FNDC3A: variants seen among roughly 807,000 people sequenced by gnomAD.
FNDC3A encodes fibronectin type III domain containing 3A.
FNDC3A carries 32 observed loss-of-function variants against 148.9 expected under a neutral mutation model. The ratio of observed to expected loss-of-function variants is 0.21; its 90% confidence interval spans 0.16 to 0.29. The LOEUF (loss-of-function observed/expected upper bound fraction) is 0.29. FNDC3A is among the 10% of genes least tolerant of loss of function. The probability of loss-of-function intolerance (pLI) is 1.00; values close to 1 mark genes in which losing one functional copy is unlikely to be tolerated. For missense variants in FNDC3A, 1,191 were observed against 1,452.8 expected (o/e 0.82, Z 2.93); for synonymous variants, 472 against 473.6 (o/e 1.00, Z 0.04).
At chr13:49,063,938 T>C (rs1412228343) in intron 2 of FNDC3A, among the ~76,000 whole-genome samples, 5 of 152,198 alleles carry the variant, frequency 3.3e-5, no homozygotes, top group African/African-American at 1.2e-4. Flanking sequence ...AAAGTATCTG[T>C]GTTACATGTT....
At chr13:49,148,477 C>T (rs1451730600) in intron 8 of FNDC3A, among the ~76,000 whole-genome samples, 1 of 152,050 alleles carries the variant, frequency 6.6e-6, no homozygotes. Flanking sequence ...GTATCCTTTC[C>T]CCAGTGTATG....
At chr13:49,188,053 T>G (rs911689016) in intron 16 of FNDC3A, among the ~76,000 whole-genome samples, 1 of 152,238 alleles carries the variant, frequency 6.6e-6, no homozygotes, top group Non-Finnish European at 1.5e-5. Context: ...GTTTTAGTAG[T>G]AAGTTTTATG....
At chr13:48,986,064 G>C (rs551354139) in intron 1 of FNDC3A, among the ~76,000 whole-genome samples, 1 of 152,288 alleles carries the variant, frequency 6.6e-6, no homozygotes, top group Admixed American at 6.5e-5. Flanking sequence ...AGCAATTTCT[G>C]TATAGTGTTG....
chr13:49,100,990 T>C (rs1879823395), intron 3 of FNDC3A, among the ~76,000 whole-genome samples: 1 of 152,108 alleles, frequency 6.6e-6, no homozygotes, highest in Admixed American at 6.6e-5. Context: ...GGGAAAATTA[T>C]AGAGAAAGAA....
At chr13:48,989,697 A>G (rs7990472) in intron 1 of FNDC3A, among the ~76,000 whole-genome samples, 21,591 of 152,220 alleles carry the variant, frequency 0.14, 2,093 homozygotes, top group Non-Finnish European at 0.2. Flanking sequence ...CAATAAGCAT[A>G]AGAAAGATGA....
chr13:49,122,947 C>T (rs139953887), intron 4 of FNDC3A, among the ~76,000 whole-genome samples: 3,013 of 152,244 alleles, frequency 0.02, 42 homozygotes, highest in Middle Eastern at 0.051. Context: ...AGATTCAATG[C>T]TATCCCCATC....
chr13:49,195,189 G>T (rs1030093235), intron 19 of FNDC3A, among the ~76,000 whole-genome samples: 13 of 152,134 alleles, frequency 8.5e-5, no homozygotes, highest in African/African-American at 3.1e-4. Flanking sequence ...TTTCAGGAGA[G>T]TTGATGACCT....
intron 8 of FNDC3A, among the ~76,000 whole-genome samples, chr13:49,156,368 G>T (rs1450583683): frequency 1.3e-5 from 2 of 149,524 alleles, no homozygotes; most frequent in Non-Finnish European, 3.0e-5. Flanking sequence ...TTTTCCATTT[G>T]CTTGGTAGAT....
At chr13:49,189,178 T>G (rs1448364682) in intron 17 of FNDC3A, among the ~76,000 whole-genome samples, 5 of 4,862 alleles carry the variant, frequency 1.0e-3, no homozygotes, top group East Asian at 2.5e-3. Flanking sequence ...TTTTTTTTTT[T>G]GGGAAACAGT....
intron 7 of FNDC3A, among the ~76,000 whole-genome samples, chr13:49,144,378 T>G (rs2137963712): frequency 6.6e-6 from 1 of 152,106 alleles, no homozygotes; most frequent in East Asian, 1.9e-4. Flanking sequence ...TAGTAATAGT[T>G]TTTTTTATTC....
intron 14 of FNDC3A, among the ~76,000 whole-genome samples, chr13:49,179,258 G>C (rs1885187513): frequency 6.6e-6 from 1 of 151,962 alleles, no homozygotes; most frequent in African/African-American, 2.4e-5. Context: ...TTGTTGGCAG[G>C]GATATCACAG....
chr13:49,020,126 A>G (rs1441865546), intron 2 of FNDC3A, among the ~76,000 whole-genome samples: 2 of 152,226 alleles, frequency 1.3e-5, no homozygotes, highest in East Asian at 3.8e-4. Flanking sequence ...AATAAGAACT[A>G]TTTAAGCACT....
In FNDC3A at chr13:49,197,816, G is replaced by T; in HGVS notation, c.2432G>T (p.Gly811Val). The change falls in exon 21 of 26, where the codon GGT (glycine) becomes GTT (valine). Residue 811 changes from glycine to valine, a missense_variant. Gly to Val is a moderately radical substitution (Grantham distance 109). Around this residue, in one of 3 missense-constraint regions of FNDC3A, gnomAD observed 751 missense variants for 944.0 expected, o/e 0.80. Coordinates refer to ENST00000492622, the MANE Select transcript of FNDC3A (RefSeq NM_001079673.2). ...ATGCAGATATGTTACTGTGGGCCTG[G>T]TCTCAGTTATGAAATAAAAGGACTT... ...GSMQICYCGP[G>V]LSYEIKGLSP... 2.5e-6 allele frequency: 4 copies of T among 1,609,550 alleles called. No individual in the cohort carries two copies. Among genetic ancestry groups the T allele is most frequent in the Non-Finnish European group, 2.5e-6 (3 of 1,179,004 alleles).
intron 2 of FNDC3A, among the ~76,000 whole-genome samples, chr13:49,041,553 G>A (rs1874930555): frequency 6.6e-6 from 1 of 152,190 alleles, no homozygotes; most frequent in Non-Finnish European, 1.5e-5. Flanking sequence ...GCTCACGCCT[G>A]TAATCCCAAC....
chr13:48,999,897 T>C (rs1455885243), intron 1 of FNDC3A, among the ~76,000 whole-genome samples: 1 of 152,206 alleles, frequency 6.6e-6, no homozygotes, highest in Non-Finnish European at 1.5e-5. Context: ...TGCCAGCATC[T>C]GGATCTTAAA....
At chr13:48,994,875 A>G (rs1435243017) in intron 1 of FNDC3A, among the ~76,000 whole-genome samples, 1 of 152,168 alleles carries the variant, frequency 6.6e-6, no homozygotes, top group Non-Finnish European at 1.5e-5. Context: ...ATGAAACTAG[A>G]CTGGTCATGA....
chr13:49,110,193 C>G (rs925431829), intron 3 of FNDC3A: 18 of 468,108 alleles, frequency 3.8e-5, no homozygotes, highest in Non-Finnish European at 6.7e-5. Flanking sequence ...ATGCTGCAAG[C>G]GGGAACGTTT....
chr13:49,196,021 C>T (rs1293545317), intron 19 of FNDC3A, among the ~76,000 whole-genome samples: 2 of 148,850 alleles, frequency 1.3e-5, no homozygotes, highest in Non-Finnish European at 3.0e-5. Flanking sequence ...GTGCAGTGAG[C>T]CATGTTTGCA....
intron 4 of FNDC3A, among the ~76,000 whole-genome samples, chr13:49,123,815 A>G (rs1336433758): frequency 2.0e-5 from 3 of 152,238 alleles, no homozygotes; most frequent in African/African-American, 7.2e-5. Flanking sequence ...CACGCCAGTT[A>G]GAATGGCGGT....
Sources: gnomAD v4.1 joint callset for allele counts (sites outside exome capture counted in the v4.1 genomes callset) on GRCh38, gnomAD v4.1.1 for gene constraint, gnomAD v4.1.1 regional missense constraint, MANE v1.5 for transcripts, NCBI Gene and HGNC (gene_info 2026-07-23, HGNC 2026-07-21) for gene names.